The following ATF7IP2 variants were observed in gnomAD, a reference collection of about 807,000 sequenced individuals.
The protein encoded by ATF7IP2 is activating transcription factor 7-interacting protein 2.
Under a neutral mutation model 64.2 loss-of-function variants are expected in ATF7IP2, and 42 were observed. The observed-to-expected ratio is 0.65, with a 90% CI of 0.51 to 0.85. The LOEUF (loss-of-function observed/expected upper bound fraction) is 0.85. ATF7IP2 is among the 40% of genes least tolerant of loss of function. The pLI is 0.00. For synonymous variants in ATF7IP2, 308 were observed against 272.8 expected (o/e 1.13, Z -1.27); for missense variants, 933 against 784.2 (o/e 1.19, Z -2.27).
intron 1 of ATF7IP2, among the ~76,000 whole-genome samples, chr16:10,404,319 C>T (rs1052944805): frequency 5.9e-5 from 9 of 152,186 alleles, no homozygotes; most frequent in Non-Finnish European, 1.3e-4. Context: ...GTGGTGCGAT[C>T]TCTGCTCACT....
chr16:10,427,039 A>G (rs1473559486), intron 3 of ATF7IP2, among the ~76,000 whole-genome samples: 3 of 152,178 alleles, frequency 2.0e-5, no homozygotes, highest in Non-Finnish European at 2.9e-5. Context: ...TTTTTAGTAC[A>G]GACAGGGTTT....
chr16:10,462,811 G>A (rs1281500149), intron 9 of ATF7IP2, among the ~76,000 whole-genome samples: 5 of 151,944 alleles, frequency 3.3e-5, no homozygotes, highest in Admixed American at 1.3e-4. Context: ...TATGTCTTCT[G>A]TCTTACTGGT....
chr16:10,435,357 C>G (rs765862235), intron 6 of ATF7IP2, among the ~76,000 whole-genome samples: 1 of 152,194 alleles, frequency 6.6e-6, no homozygotes, highest in South Asian at 2.1e-4. Context: ...GTTATTCACT[C>G]TACCCATTAT....
intron 12 of ATF7IP2, among the ~76,000 whole-genome samples, chr16:10,480,654 A>G (rs535234749): frequency 6.4e-4 from 96 of 150,600 alleles, no homozygotes; most frequent in African/African-American, 1.9e-3. Flanking sequence ...CAGTTACACA[A>G]TGTCTAAAGT....
chr16:10,413,411 C>T (rs940191456), intron 1 of ATF7IP2, among the ~76,000 whole-genome samples: 9 of 152,226 alleles, frequency 5.9e-5, no homozygotes, highest in East Asian at 1.9e-4. Context: ...TTTTGCCTCC[C>T]GCCATGGTTC....
At position 10,430,982 on chromosome 16, in the gene ATF7IP2, G is replaced by C. The variant is rs2048227214; in HGVS notation, c.362G>C (p.Arg121Thr). The change falls in exon 5 of 14, where the codon AGA becomes ACA. Residue 121 changes from arginine (R) to threonine (T), a missense_variant. Transcript: ENST00000562102. ...QVVCSYQKPS[R>T]TTESPSRVFT... ...GTTTGTTCGTACCAAAAGCCAAGTAGAACAACAGAATCCCCCAGCAGAGTC... is the reference window on the plus strand; with the variant it reads ...GTTTGTTCGTACCAAAAGCCAAGTACAACAACAGAATCCCCCAGCAGAGTC... 6.2e-7 allele frequency: 1 copy of C among 1,614,100 alleles called. No homozygotes were observed. The highest frequency in any genetic ancestry group is 8.5e-7 in the Non-Finnish European group (1 of 1,180,026).
chr16:10,398,037 G>A (rs1272797340), intron 1 of ATF7IP2, among the ~76,000 whole-genome samples: 1 of 152,046 alleles, frequency 6.6e-6, no homozygotes, highest in Admixed American at 6.6e-5. Flanking sequence ...GGGCATGGTG[G>A]CTCAAGCTTG....
chr16:10,446,864 G>A (rs925866063), intron 8 of ATF7IP2: 1 of 152,112 alleles, frequency 6.6e-6, no homozygotes, highest in Non-Finnish European at 1.5e-5. Flanking sequence ...ACTATTGGAA[G>A]TTTGTGTGAG....
chr16:10,438,209 C>A lies in ATF7IP2; in HGVS notation c.1069C>A (p.His357Asn). The A allele has an allele frequency of 6.3e-7, 1 of 1,599,984 alleles. No individual in the cohort carries two copies. ...TGGGAAGACAGAGTGCAGAAATAAG[C>A]ATGAAGGAATAGCTGATAAACTTTT... ...RIGKTECRNK[H>N]EGIADKLLAK... The change falls in exon 7 of 14, where the codon CAT becomes AAT. Residue 357 changes from histidine (H) to asparagine (N), a missense_variant. Coordinates refer to ENST00000562102, the MANE Select transcript of ATF7IP2 (RefSeq NM_001393719.1).
intron 1 of ATF7IP2, among the ~76,000 whole-genome samples, chr16:10,405,200 T>G (rs991712013): frequency 1.4e-5 from 2 of 142,510 alleles, no homozygotes; most frequent in African/African-American, 5.1e-5. Context: ...CGGTCTCTAC[T>G]AAAAAAAAAA....
intron 7 of ATF7IP2, 95 bp from the exon 8 acceptor site, chr16:10,440,269 C>G (rs1357848295): frequency 3.5e-6 from 2 of 571,878 alleles, no homozygotes; most frequent in Non-Finnish European, 5.9e-6. Flanking sequence ...ATGTCTAGGT[C>G]TTACAAAACT....
At chr16:10,455,451 C>CT (rs2049133051) in intron 8 of ATF7IP2, among the ~76,000 whole-genome samples, 1 of 152,206 alleles carries the variant, frequency 6.6e-6, no homozygotes, top group Admixed American at 6.5e-5. Flanking sequence ...TGATTTCCAA[C>CT]TTTTGGCTTC....
chr16:10,389,482 C>T (rs564044765), intron 1 of ATF7IP2, among the ~76,000 whole-genome samples: 1 of 152,250 alleles, frequency 6.6e-6, no homozygotes, highest in African/African-American at 2.4e-5. Flanking sequence ...ACTCTTGGAA[C>T]TGTGAGTGCT....
chr16:10,457,938 C>A (rs989103415), intron 9 of ATF7IP2, among the ~76,000 whole-genome samples: 1 of 152,212 alleles, frequency 6.6e-6, no homozygotes, highest in Admixed American at 6.5e-5. Flanking sequence ...TCTGGAATTC[C>A]TGGGCTCAGG....
intron 2 of ATF7IP2, among the ~76,000 whole-genome samples, chr16:10,418,149 A>C (rs2047915705): frequency 6.6e-6 from 1 of 152,224 alleles, no homozygotes. Flanking sequence ...CTAAAATGGG[A>C]AACAAAGGGA....
intron 6 of ATF7IP2, among the ~76,000 whole-genome samples, chr16:10,435,912 G>C (rs931687191): frequency 3.3e-5 from 5 of 152,106 alleles, no homozygotes; most frequent in African/African-American, 1.2e-4. Flanking sequence ...GAGAAACACT[G>C]TACAAAACAG....
intron 7 of ATF7IP2, among the ~76,000 whole-genome samples, chr16:10,438,914 A>T (rs1008481617): frequency 6.6e-6 from 1 of 151,996 alleles, no homozygotes; most frequent in African/African-American, 2.4e-5. Flanking sequence ...TTAGTTGGGC[A>T]TGGTGGCGTG....
intron 7 of ATF7IP2, among the ~76,000 whole-genome samples, chr16:10,439,063 A>AT (rs1169546043): frequency 6.6e-6 from 1 of 151,696 alleles, no homozygotes; most frequent in Non-Finnish European, 1.5e-5. Context: ...AAAAAAAAAA[A>AT]AAAATAGGCA....
chr16:10,471,889 A>G, intron 9 of ATF7IP2: 1 of 345,350 alleles, frequency 2.9e-6, no homozygotes. Context: ...TGTAGTAGGG[A>G]TCTAATTATT....
Sources: gnomAD v4.1 joint callset for allele counts (sites outside exome capture counted in the v4.1 genomes callset) on GRCh38, gnomAD v4.1.1 for gene constraint, MANE v1.5 for transcripts, NCBI Gene and HGNC (gene_info 2026-07-23, HGNC 2026-07-21) for gene names.